KAZN: variants seen among roughly 807,000 people sequenced by gnomAD.
KAZN encodes kazrin, periplakin interacting protein.
A neutral mutation model predicts 87.4 loss-of-function variants in KAZN; 40 were observed. The observed-to-expected ratio is 0.46, with a 90% confidence interval of 0.36 to 0.60. The LOEUF is 0.60. Ranked by LOEUF, KAZN falls within the 20% of genes least tolerant of loss-of-function variation. The pLI, the probability that KAZN is intolerant of heterozygous loss-of-function variation, is 0.00. For synonymous variants in KAZN, 466 were observed against 458.3 expected (o/e 1.02, Z -0.22); for missense variants, 898 against 1,073.9 (o/e 0.84, Z 2.29).
At chr1:14,383,183 T>C (rs1661530991) in intron 2 of KAZN, among the ~76,000 whole-genome samples, 1 of 152,088 alleles carries the variant, frequency 6.6e-6, no homozygotes, top group South Asian at 2.1e-4. Flanking sequence ...TCCTGTAAAT[T>C]TGTTTGAGTT....
At position 14,650,493 on chromosome 1, in the gene KAZN, C is replaced by T. The variant is rs545731937; in HGVS notation, c.226+51270C>T. Among the ~76,000 whole-genome samples the T allele has an allele frequency of 4.6e-3, 706 of 152,248 alleles. 8 individuals carry two copies. Among genetic ancestry groups the T allele is most frequent in the Non-Finnish European group, 7.5e-3 (511 of 68,018 alleles). Reference sequence around the variant, plus strand: ...AGTTGAACCTGCAGTGAGCCATGTTCGTGCCACTGCACTCCACACTCCAGC... The same window carrying T: ...AGTTGAACCTGCAGTGAGCCATGTTTGTGCCACTGCACTCCACACTCCAGC... On this transcript the variant is annotated intron_variant, in intron 1 of 14. Coordinates refer to ENST00000376030, the MANE Select transcript of KAZN (RefSeq NM_201628.3).
intron 2 of KAZN, among the ~76,000 whole-genome samples, chr1:14,568,547 G>A (rs547977568): frequency 4.6e-5 from 7 of 152,262 alleles, no homozygotes; most frequent in Admixed American, 2.0e-4. Context: ...ATCAGATCTC[G>A]TGAGACTTAT....
intron 1 of KAZN, among the ~76,000 whole-genome samples, chr1:14,779,469 A>C (rs1405296053): frequency 6.6e-6 from 1 of 152,190 alleles, no homozygotes; most frequent in Non-Finnish European, 1.5e-5. Flanking sequence ...CTCTTGCATG[A>C]CAAACAGCTT....
At position 14,837,053 on chromosome 1, in the gene KAZN, T is replaced by A. The variant is rs1161282138; in HGVS notation, c.227-123631T>A. 2.0e-5 allele frequency among the ~76,000 whole-genome samples: 3 copies of A among 152,168 alleles called. No homozygotes were observed. The East Asian group carries it at 5.8e-4, about 29-fold the overall frequency. On this transcript the variant is annotated intron_variant, in intron 1 of 14. Coordinates refer to ENST00000376030, the MANE Select transcript of KAZN (RefSeq NM_201628.3). ...GTTGTCTTTCTCATTTCTTTGCTTG[T>A]TTTTTTAAAGTTTTGCTGTGTGTTT...
chr1:14,332,085 T>G (rs1198337187), intron 2 of KAZN, among the ~76,000 whole-genome samples: 1 of 152,176 alleles, frequency 6.6e-6, no homozygotes, highest in Non-Finnish European at 1.5e-5. Context: ...TCTTTTTTTA[T>G]TTTATAACCT....
intron 1 of KAZN, among the ~76,000 whole-genome samples, chr1:14,153,624 A>G (rs12568162): frequency 0.2 from 30,601 of 151,646 alleles, 3,441 homozygotes; most frequent in East Asian, 0.35. Flanking sequence ...AAAATACAAA[A>G]AAATTAGCCA....
chr1:14,320,898 A>C (rs963815596), intron 2 of KAZN, among the ~76,000 whole-genome samples: 1 of 152,222 alleles, frequency 6.6e-6, no homozygotes, highest in South Asian at 2.1e-4. Flanking sequence ...TGAGTTAGAC[A>C]TCTAAAGTCT....
chr1:15,089,604 GA>G (rs1180577317), intron 8 of KAZN, among the ~76,000 whole-genome samples: 1 of 151,798 alleles, frequency 6.6e-6, no homozygotes, highest in Non-Finnish European at 1.5e-5. Context: ...ACAGACATCA[GA>G]AAAAAATATC....
chr1:14,907,455 A>C (rs1390950509), intron 1 of KAZN, among the ~76,000 whole-genome samples: 4 of 151,694 alleles, frequency 2.6e-5, no homozygotes, highest in Non-Finnish European at 4.4e-5. Flanking sequence ...CCCAGACCTC[A>C]GGCATCAGAA....
chr1:14,947,755 G>C lies in KAZN; in HGVS notation c.227-12929G>C, dbSNP rs79620750. Among the ~76,000 whole-genome samples the C allele has an allele frequency of 3.2e-3, 485 of 152,348 alleles. 7 individuals carry two copies. The East Asian group carries it at 0.044, about 14-fold the overall frequency. On this transcript the variant is annotated intron_variant, in intron 1 of 14. Coordinates refer to ENST00000376030, the MANE Select transcript of KAZN (RefSeq NM_201628.3). Reference sequence around the variant, plus strand: ...AGCACTTCTCCCATGGGGTTGGTGAGAGAATCTGATGGGCTGAGGCTCAGT... The same window carrying C: ...AGCACTTCTCCCATGGGGTTGGTGACAGAATCTGATGGGCTGAGGCTCAGT...
At chr1:14,301,311 T>C (rs1010425432) in intron 2 of KAZN, among the ~76,000 whole-genome samples, 1 of 152,222 alleles carries the variant, frequency 6.6e-6, no homozygotes, top group African/African-American at 2.4e-5. Flanking sequence ...TCCTGACTGT[T>C]CTCTGGCCCA....
intron 2 of KAZN, among the ~76,000 whole-genome samples, chr1:14,374,856 A>G (rs1660773694): frequency 6.6e-6 from 1 of 152,252 alleles, no homozygotes; most frequent in Non-Finnish European, 1.5e-5. Flanking sequence ...TGTCCTGGAA[A>G]TGAGTATGGG....
chr1:14,904,175 C>T (rs1656232854), intron 1 of KAZN, among the ~76,000 whole-genome samples: 1 of 152,160 alleles, frequency 6.6e-6, no homozygotes, highest in Admixed American at 6.5e-5. Flanking sequence ...TTCTTTCCTT[C>T]CCACGTGCCT....
In KAZN at chr1:14,276,007, C is replaced by A. The variant is rs139752891; in HGVS notation, c.249+95415C>A. Among the ~76,000 whole-genome samples, 326 of 152,202 alleles carry A rather than the reference C, an allele frequency of 2.1e-3. 1 individual carries two copies. Among genetic ancestry groups the A allele is most frequent in the African/African-American group, 7.4e-3 (308 of 41,516 alleles). On this transcript the variant is annotated intron_variant, in intron 2 of 16. Coordinates refer to the KAZN transcript ENST00000636203. The stretch of plus-strand genomic sequence containing the variant: ...TGCTTTGTGGCTGAGTTTCTCAAGG[C>A]AAATGAGATTTTGCCAATTAGATGC...
chr1:14,353,522 G>A (rs978202524), intron 2 of KAZN, among the ~76,000 whole-genome samples: 8 of 152,050 alleles, frequency 5.3e-5, no homozygotes, highest in East Asian at 3.9e-4. Context: ...CCCGGCCGAC[G>A]TCACTTTCTA....
intron 1 of KAZN, among the ~76,000 whole-genome samples, chr1:14,910,050 C>CAATAAATA (rs202201519): frequency 5.7e-4 from 79 of 137,760 alleles, no homozygotes; most frequent in Non-Finnish European, 1.2e-3. Context: ...GACCTTGTCT[C>CAATAAATA]AATAAATAAA....
intron 2 of KAZN, among the ~76,000 whole-genome samples, chr1:14,201,548 G>A (rs1180646140): frequency 6.6e-6 from 1 of 152,162 alleles, no homozygotes; most frequent in Non-Finnish European, 1.5e-5. Flanking sequence ...TCCTGAAAGG[G>A]ACCTTTGTGT....
chr1:14,987,480 C>G (rs890441014), intron 2 of KAZN, among the ~76,000 whole-genome samples: 1 of 151,982 alleles, frequency 6.6e-6, no homozygotes, highest in Admixed American at 6.5e-5. Flanking sequence ...GGTGACAGGG[C>G]AAGACTCCAT....
At chr1:14,957,697 A>T (rs1849528) in intron 1 of KAZN, among the ~76,000 whole-genome samples, 10,799 of 152,264 alleles carry the variant, frequency 0.071, 1,296 homozygotes, top group African/African-American at 0.25. Context: ...ACGAGCTCCC[A>T]GGCAGGTCAC....
Sources: gnomAD v4.1 joint callset for allele counts (sites outside exome capture counted in the v4.1 genomes callset) on GRCh38, gnomAD v4.1.1 for gene constraint, MANE v1.5 for transcripts, NCBI Gene and HGNC (gene_info 2026-07-23, HGNC 2026-07-21) for gene names.